Variants in WDR7 observed in about 807,000 individuals in gnomAD.
The protein encoded by WDR7 is WD repeat-containing protein 7.
A neutral mutation model predicts 169.4 loss-of-function variants in WDR7; 46 were observed. The ratio of observed to expected loss-of-function variants is 0.27; its 90% CI spans 0.21 to 0.35. WDR7 has a LOEUF of 0.35. Among genes scored for constraint, WDR7 ranks in the 10% least tolerant of loss-of-function variants. The probability of loss-of-function intolerance (pLI) is 1.00; values close to 1 mark genes in which losing one functional copy is unlikely to be tolerated. For synonymous variants in WDR7, 612 were observed against 666.8 expected (o/e 0.92, Z 1.27); for missense variants, 1,534 against 1,859.3 (o/e 0.83, Z 3.22).
At position 57,027,141 on chromosome 18, in the gene WDR7, C is replaced by A. The variant is rs1169327773; in HGVS notation, c.4407C>A (p.Ile1469=). The change falls in exon 28 of 28, where the codon ATC becomes ATA. Residue 1469 remains isoleucine, a synonymous_variant. Transcript: ENST00000254442. ...ATGCCCTCAAGCTGGCCCGGCTCAT[C>A]TGGACTTCCAACCGCAACGTCATCC... ...SHNALKLARL[I]WTSNRNVILM... 1 of 1,614,192 alleles carries A rather than the reference C, an allele frequency of 6.2e-7. No individual in the cohort carries two copies. Among genetic ancestry groups the A allele is most frequent in the South Asian group, 1.1e-5 (1 of 91,078 alleles).
chr18:56,932,578 T>A (rs1329370903), intron 22 of WDR7, among the ~76,000 whole-genome samples: 1 of 152,210 alleles, frequency 6.6e-6, no homozygotes, highest in Non-Finnish European at 1.5e-5. Flanking sequence ...TGCTTTTTTT[T>A]ATGAGAAGCG....
intron 19 of WDR7, among the ~76,000 whole-genome samples, chr18:56,809,854 T>A (rs1440279197): frequency 6.6e-6 from 1 of 152,124 alleles, no homozygotes; most frequent in Admixed American, 6.6e-5. Flanking sequence ...CATATTGTTC[T>A]ATGAGTTTTA....
At chr18:56,840,455 A>T (rs1419363890) in intron 20 of WDR7, among the ~76,000 whole-genome samples, 1 of 152,226 alleles carries the variant, frequency 6.6e-6, no homozygotes, top group African/African-American at 2.4e-5. Context: ...TTTTAAAATA[A>T]TATCAAACTA....
intron 1 of WDR7, among the ~76,000 whole-genome samples, chr18:56,661,345 GA>G (rs558454343): frequency 5.9e-5 from 9 of 152,098 alleles, no homozygotes; most frequent in Non-Finnish European, 1.2e-4. Context: ...GTTGGTGATG[GA>G]TACAGCATAA....
intron 17 of WDR7, among the ~76,000 whole-genome samples, chr18:56,777,752 C>T (rs777766955): frequency 2.0e-5 from 3 of 152,124 alleles, no homozygotes; most frequent in Non-Finnish European, 4.4e-5. Context: ...CTTCCAGTGG[C>T]CATAAAGTAC....
chr18:56,758,851 T>TC lies in WDR7; in HGVS notation c.2760-13dup. ...TATCAAAATATATCTTGTATTTTTT[T>TC]CTTCTTTTTTAAGGCCACCTAGACC... On this transcript the variant is annotated splice_polypyrimidine_tract_variant and intron_variant, in intron 15 of 27. Coordinates refer to ENST00000254442, the MANE Select transcript of WDR7 (RefSeq NM_015285.3). 6.3e-7 allele frequency: 1 copy of TC among 1,589,894 alleles called. No homozygotes were observed. Among genetic ancestry groups the TC allele is most frequent in the South Asian group, 1.2e-5 (1 of 86,030 alleles).
At chr18:56,700,118 A>G (rs893703257) in intron 12 of WDR7, among the ~76,000 whole-genome samples, 2 of 152,132 alleles carry the variant, frequency 1.3e-5, no homozygotes, top group Admixed American at 6.5e-5. Flanking sequence ...AAAATTTTGC[A>G]TATTCAAAGA....
chr18:56,980,332 C>T (rs549240909), intron 26 of WDR7, among the ~76,000 whole-genome samples: 8 of 152,326 alleles, frequency 5.3e-5, no homozygotes, highest in Admixed American at 3.9e-4. Context: ...CCCCAGATTG[C>T]ATTTGCATAC....
At chr18:56,742,996 C>T (rs1034793426) in intron 14 of WDR7, among the ~76,000 whole-genome samples, 1 of 152,004 alleles carries the variant, frequency 6.6e-6, no homozygotes, top group Non-Finnish European at 1.5e-5. Context: ...ATATGAAAGC[C>T]AGTATGTAAA....
intron 20 of WDR7, among the ~76,000 whole-genome samples, chr18:56,835,925 T>C (rs1568222924): frequency 6.6e-6 from 1 of 152,238 alleles, no homozygotes; most frequent in African/African-American, 2.4e-5. Flanking sequence ...GTTGACTGTA[T>C]ATGATTCATG....
intron 4 of WDR7, 133 bp from the exon 5 acceptor site, chr18:56,682,546 A>G (rs1349785988): frequency 1.1e-6 from 1 of 933,882 alleles, no homozygotes; most frequent in South Asian, 1.8e-5. Flanking sequence ...CATTTGGTAA[A>G]TATCTAAAAT....
intron 16 of WDR7, among the ~76,000 whole-genome samples, chr18:56,775,688 A>AT (rs2044230889): frequency 6.6e-6 from 1 of 151,820 alleles, no homozygotes; most frequent in African/African-American, 2.4e-5. Flanking sequence ...TTTTTGTGTT[A>AT]TTTTTCATGG....
intron 16 of WDR7, among the ~76,000 whole-genome samples, chr18:56,760,017 A>C (rs759407244): frequency 4.7e-4 from 71 of 152,108 alleles, no homozygotes; most frequent in Non-Finnish European, 6.2e-4. Context: ...TTCCAAACCC[A>C]CACAGTCACC....
chr18:56,969,582 A>G (rs2047455356), intron 26 of WDR7, among the ~76,000 whole-genome samples: 1 of 152,236 alleles, frequency 6.6e-6, no homozygotes, highest in Non-Finnish European at 1.5e-5. Flanking sequence ...GAGTAAATAC[A>G]GTTACTCTAT....
chr18:56,787,366 A>G (rs2044417655), intron 19 of WDR7, among the ~76,000 whole-genome samples: 1 of 152,202 alleles, frequency 6.6e-6, no homozygotes, highest in Non-Finnish European at 1.5e-5. Context: ...TAAACACATA[A>G]AAGTCACTAC....
chr18:56,930,187 C>T (rs2046862302), intron 22 of WDR7, among the ~76,000 whole-genome samples: 2 of 152,216 alleles, frequency 1.3e-5, no homozygotes, highest in Non-Finnish European at 2.9e-5. Flanking sequence ...CATAAAGTCA[C>T]TGGAAACCAC....
At chr18:56,839,559 A>G (rs932907480) in intron 20 of WDR7, among the ~76,000 whole-genome samples, 14 of 152,228 alleles carry the variant, frequency 9.2e-5, no homozygotes, top group Non-Finnish European at 1.9e-4. Context: ...CACAAACTCT[A>G]TAGTATTAGC....
chr18:56,893,679 G>A (rs1163673638), intron 21 of WDR7, among the ~76,000 whole-genome samples: 1 of 152,068 alleles, frequency 6.6e-6, no homozygotes, highest in East Asian at 1.9e-4. Flanking sequence ...GAATGTTTGT[G>A]TGAAATCAAT....
chr18:56,792,398 C>T (rs1199990375), intron 19 of WDR7, among the ~76,000 whole-genome samples: 1 of 152,068 alleles, frequency 6.6e-6, no homozygotes, highest in African/African-American at 2.4e-5. Flanking sequence ...AGTAGTATCT[C>T]CTCTTCACCA....
Sources: gnomAD v4.1 joint callset for allele counts (sites outside exome capture counted in the v4.1 genomes callset) on GRCh38, gnomAD v4.1.1 for gene constraint, MANE v1.5 for transcripts, NCBI Gene and HGNC (gene_info 2026-07-23, HGNC 2026-07-21) for gene names.